Variants in MACROD2 observed in about 807,000 individuals in gnomAD.
MACROD2 encodes the protein ADP-ribose glycohydrolase MACROD2.
Under a neutral mutation model 70.4 loss-of-function variants are expected in MACROD2, and 36 were observed. The observed-to-expected ratio is 0.51, with a 90% CI of 0.39 to 0.68. The LOEUF (loss-of-function observed/expected upper bound fraction) is 0.68. MACROD2 is among the 30% of genes least tolerant of loss of function. MACROD2 has a pLI of 0.00. For synonymous variants in MACROD2, 172 were observed against 178.8 expected (o/e 0.96, Z 0.30); for missense variants, 496 against 538.4 (o/e 0.92, Z 0.78).
chr20:14,401,450 TTTTG>T (rs1331756436), intron 3 of MACROD2, among the ~76,000 whole-genome samples: 1 of 152,160 alleles, frequency 6.6e-6, no homozygotes, highest in East Asian at 1.9e-4. Context: ...TGCCTGAAAT[TTTTG>T]TTTGTGTATT....
intron 8 of MACROD2, among the ~76,000 whole-genome samples, chr20:15,684,389 C>T (rs1420173975): frequency 6.6e-6 from 1 of 152,204 alleles, no homozygotes; most frequent in Non-Finnish European, 1.5e-5. Flanking sequence ...TCCCCAGAGG[C>T]TCTTTCAAAT....
At chr20:15,203,613 A>G (rs1040442829) in intron 5 of MACROD2, among the ~76,000 whole-genome samples, 23 of 152,128 alleles carry the variant, frequency 1.5e-4, no homozygotes, top group African/African-American at 5.3e-4. Flanking sequence ...ATTTCCATTA[A>G]CTTATGTGTT....
chr20:15,285,470 T>C (rs1253832080), intron 6 of MACROD2, among the ~76,000 whole-genome samples: 1 of 152,206 alleles, frequency 6.6e-6, no homozygotes, highest in African/African-American at 2.4e-5. Flanking sequence ...GTTAAATCAA[T>C]CTTGGACACA....
intron 4 of MACROD2, among the ~76,000 whole-genome samples, chr20:14,660,385 T>C (rs1205197472): frequency 6.6e-6 from 1 of 152,242 alleles, no homozygotes; most frequent in South Asian, 2.1e-4. Flanking sequence ...GCTGTTCTCC[T>C]TCATAAATAC....
At chr20:15,050,643 G>A (rs1354472396) in intron 5 of MACROD2, among the ~76,000 whole-genome samples, 3 of 144,014 alleles carry the variant, frequency 2.1e-5, no homozygotes, top group Admixed American at 7.4e-5. Flanking sequence ...CTGGGTTCAC[G>A]CTAGGTTTCT....
chr20:15,935,051 TCACA>T (rs757303790), intron 11 of MACROD2, among the ~76,000 whole-genome samples: 3 of 152,184 alleles, frequency 2.0e-5, no homozygotes, highest in African/African-American at 7.2e-5. Context: ...ACACGCACAC[TCACA>T]CACACGTATG....
chr20:15,684,799 T>A (rs1442642644), intron 8 of MACROD2, among the ~76,000 whole-genome samples: 1 of 152,190 alleles, frequency 6.6e-6, no homozygotes, highest in Non-Finnish European at 1.5e-5. Context: ...TGACCATTTT[T>A]AAAATTTCTT....
intron 8 of MACROD2, among the ~76,000 whole-genome samples, chr20:15,540,760 G>A (rs1781277329): frequency 1.3e-5 from 2 of 152,130 alleles, no homozygotes; most frequent in South Asian, 4.1e-4. Context: ...GAATAGAGTC[G>A]GTTCCATCAC....
At chr20:15,461,819 C>T (rs1245397244) in intron 7 of MACROD2, among the ~76,000 whole-genome samples, 4 of 152,106 alleles carry the variant, frequency 2.6e-5, no homozygotes, top group Admixed American at 1.3e-4. Flanking sequence ...AAATAGCAAA[C>T]TGAGGATTCT....
chr20:14,408,659 G>A (rs947557105), intron 3 of MACROD2, among the ~76,000 whole-genome samples: 14 of 152,204 alleles, frequency 9.2e-5, no homozygotes, highest in Admixed American at 3.3e-4. Flanking sequence ...AGTGGGTAGC[G>A]CCCACTAAGC....
At chr20:14,083,303 A>G (rs1279723979) in intron 2 of MACROD2, among the ~76,000 whole-genome samples, 1 of 151,786 alleles carries the variant, frequency 6.6e-6, no homozygotes, top group Non-Finnish European at 1.5e-5. Context: ...GGTGCCTGTA[A>G]TCCCAGCTAC....
chr20:15,012,371 G>C (rs1368781804), intron 5 of MACROD2, among the ~76,000 whole-genome samples: 1 of 152,160 alleles, frequency 6.6e-6, no homozygotes, highest in Non-Finnish European at 1.5e-5. Flanking sequence ...GTGTGAGGAA[G>C]TGAGCATCCA....
At chr20:15,430,593 T>G (rs1339732691) in intron 6 of MACROD2, among the ~76,000 whole-genome samples, 1 of 152,002 alleles carries the variant, frequency 6.6e-6, no homozygotes, top group Non-Finnish European at 1.5e-5. Context: ...ACATTTATAT[T>G]TGTCAATTCA....
intron 3 of MACROD2, among the ~76,000 whole-genome samples, chr20:14,365,386 AAAT>A (rs2083262454): frequency 6.6e-6 from 1 of 151,304 alleles, no homozygotes; most frequent in East Asian, 1.9e-4. Context: ...ATATTGTTAT[AAAT>A]AATTATATAA....
intron 8 of MACROD2, among the ~76,000 whole-genome samples, chr20:15,647,365 C>G (rs1452130361): frequency 6.6e-6 from 1 of 152,078 alleles, no homozygotes; most frequent in Admixed American, 6.5e-5. Flanking sequence ...TGAAGAGTTA[C>G]AAACAGCTTG....
chr20:15,130,515 G>A (rs2076097469), intron 5 of MACROD2, among the ~76,000 whole-genome samples: 1 of 151,878 alleles, frequency 6.6e-6, no homozygotes, highest in African/African-American at 2.4e-5. Context: ...GAAGAAACAG[G>A]GACATTTCCC....
At chr20:15,998,564 C>CTTTTTTTT (rs34750465) in intron 15 of MACROD2, among the ~76,000 whole-genome samples, 2 of 117,562 alleles carry the variant, frequency 1.7e-5, no homozygotes, top group Non-Finnish European at 3.6e-5. Flanking sequence ...TGAGTTCTCT[C>CTTTTTTTT]TTTTTTTTTT....
At chr20:15,742,765 A>G (rs887952941) in intron 8 of MACROD2, among the ~76,000 whole-genome samples, 1 of 152,222 alleles carries the variant, frequency 6.6e-6, no homozygotes, top group Non-Finnish European at 1.5e-5. Flanking sequence ...CAGCTTTCAA[A>G]AGCCAACAGG....
chr20:14,889,575 A>G (rs1969312184), intron 5 of MACROD2, among the ~76,000 whole-genome samples: 3 of 152,168 alleles, frequency 2.0e-5, no homozygotes, highest in African/African-American at 7.2e-5. Context: ...GAAAGATCCT[A>G]TCCGGCATAG....
Sources: gnomAD v4.1 joint callset for allele counts (sites outside exome capture counted in the v4.1 genomes callset) on GRCh38, gnomAD v4.1.1 for gene constraint, MANE v1.5 for transcripts, NCBI Gene and HGNC (gene_info 2026-07-23, HGNC 2026-07-21) for gene names.